CEP85L: variants seen among roughly 807,000 people sequenced by gnomAD.
The protein encoded by CEP85L is centrosomal protein 85L, also known as centrosomal protein of 85 kDa-like.
Under a neutral mutation model 100.3 loss-of-function variants are expected in CEP85L, and 60 were observed. The observed-to-expected ratio is 0.60, with a 90% confidence interval of 0.49 to 0.74. The LOEUF (loss-of-function observed/expected upper bound fraction) is 0.74, where lower values mean the gene tolerates loss of function less well. Among genes scored for constraint, CEP85L ranks in the 30% least tolerant of loss-of-function variants. The probability of loss-of-function intolerance (pLI) is 0.00; values close to 1 mark genes in which losing one functional copy is unlikely to be tolerated. For missense variants in CEP85L, 973 were observed against 936.2 expected, an observed-to-expected ratio of 1.04 and a Z score of -0.51; for synonymous variants, 319 against 322.7, an observed-to-expected ratio of 0.99 and a Z score of 0.12.
upstream of CEP85L, chr6:118,652,468 T>G: frequency 7.9e-7 from 1 of 1,271,766 alleles, no homozygotes; most frequent in East Asian, 3.6e-5. Context: ...TAAAAAATTC[T>G]GGGCCAGCAC....
chr6:118,518,019 T>C (rs958245126), intron 4 of CEP85L, among the ~76,000 whole-genome samples: 1 of 152,198 alleles, frequency 6.6e-6, no homozygotes, highest in Non-Finnish European at 1.5e-5. Context: ...TGGTTTTATG[T>C]GATGGATTAC....
intron 3 of CEP85L, among the ~76,000 whole-genome samples, chr6:118,561,568 T>C (rs754767918): frequency 7.2e-5 from 11 of 152,148 alleles, no homozygotes; most frequent in Non-Finnish European, 1.5e-4. Context: ...TGTTCTACTA[T>C]AGAATAAGTT....
upstream of CEP85L, among the ~76,000 whole-genome samples, chr6:118,654,388 A>G (rs1775705046): frequency 6.6e-6 from 1 of 152,248 alleles, no homozygotes; most frequent in Admixed American, 6.5e-5. Context: ...AAAGAACCCA[A>G]CAATATGTAG....
rs1554228039 is a variant in CEP85L, at chr6:118,600,300, G to GTGTGTGTGTGTGTGTGTGTGTGTGT, written c.232+32152_232+32153insACACACACACACACACACACACACA. On this transcript the variant is annotated intron_variant, in intron 2 of 12. Coordinates refer to ENST00000368491, the MANE Select transcript of CEP85L (RefSeq NM_001042475.3). ...CTGCCTGTCCCTGAGCCTTCCTGGG[G>GTGTGTGTGTGTGTGTGTGTGTGTGT]GTGTGTGTGTGTGTGTGTGTGTGTG... Among the ~76,000 whole-genome samples the GTGTGTGTGTGTGTGTGTGTGTGTGT allele has an allele frequency of 4.0e-4, 21 of 52,244 alleles. 6 individuals are homozygous for GTGTGTGTGTGTGTGTGTGTGTGTGT. The highest frequency in any genetic ancestry group is 8.3e-4 in the Admixed American group (4 of 4,838). The allele number at this position is 52,244 out of a possible 152,430, so 34.3% of individuals were successfully genotyped here. A position where few individuals can be genotyped will look rare whatever the true frequency, so the allele number is the denominator to read the frequency against.
At chr6:118,495,571 C>T (rs1030988021) in intron 5 of CEP85L, among the ~76,000 whole-genome samples, 1 of 152,108 alleles carries the variant, frequency 6.6e-6, no homozygotes, top group South Asian at 2.1e-4. Flanking sequence ...TCCCCAGTCA[C>T]GCGGAACTGT....
At chr6:118,666,377 A>G (rs1776134030) in intron 1 of CEP85L, among the ~76,000 whole-genome samples, 1 of 152,220 alleles carries the variant, frequency 6.6e-6, no homozygotes, top group Admixed American at 6.5e-5. Context: ...GTGAAATTAA[A>G]TGACTGCCCC....
At chr6:118,483,228 GT>G (rs1773919853) in intron 7 of CEP85L, among the ~76,000 whole-genome samples, 1 of 151,508 alleles carries the variant, frequency 6.6e-6, no homozygotes, top group Non-Finnish European at 1.5e-5. Context: ...CTGAGGTATT[GT>G]TAAGGAAAAA....
chr6:118,493,419 A>T (rs114437645), intron 5 of CEP85L, among the ~76,000 whole-genome samples: 235 of 152,284 alleles, frequency 1.5e-3, no homozygotes, highest in African/African-American at 5.3e-3. Flanking sequence ...AAGTCTGATG[A>T]AAGGGAAGAG....
intron 4 of CEP85L, among the ~76,000 whole-genome samples, chr6:118,517,844 C>A (rs1776372657): frequency 6.6e-6 from 1 of 152,164 alleles, no homozygotes; most frequent in Admixed American, 6.5e-5. Flanking sequence ...CCAGATTTTG[C>A]CCATTCATTA....
At chr6:118,591,381 G>A (rs72954883) in intron 2 of CEP85L, among the ~76,000 whole-genome samples, 5 of 152,028 alleles carry the variant, frequency 3.3e-5, no homozygotes, top group Non-Finnish European at 5.9e-5. Flanking sequence ...AAAACTGAAC[G>A]TACCTCTGAT....
chr6:118,501,732 TG>T, intron 5 of CEP85L: 1 of 782,366 alleles, frequency 1.3e-6, no homozygotes, highest in Non-Finnish European at 2.2e-6. Flanking sequence ...ACAGACTTCA[TG>T]GCTAACTTGA....
intron 2 of CEP85L, among the ~76,000 whole-genome samples, chr6:118,577,153 G>A (rs986953868): frequency 6.6e-6 from 1 of 152,058 alleles, no homozygotes; most frequent in Non-Finnish European, 1.5e-5. Context: ...TGTCTCTCAC[G>A]GCAAGGGGAA....
intron 2 of CEP85L, among the ~76,000 whole-genome samples, chr6:118,583,376 T>C (rs1220721707): frequency 6.6e-6 from 1 of 152,142 alleles, no homozygotes; most frequent in African/African-American, 2.4e-5. Flanking sequence ...AAGGGGTGTA[T>C]CACGAAAAAC....
At chr6:118,551,369 G>A (rs1189270263) in intron 3 of CEP85L, among the ~76,000 whole-genome samples, 1 of 142,062 alleles carries the variant, frequency 7.0e-6, no homozygotes, top group Non-Finnish European at 1.6e-5. Flanking sequence ...CATTAATAGG[G>A]GGTATATTTA....
chr6:118,565,712 C>G lies in CEP85L; in HGVS notation c.837G>C (p.Met279Ile). ...SEAFEPPKYL[M>I]LGQQAVGGVP... is the part of the protein sequence containing the mutation. Reference sequence around the variant, plus strand: ...CTCCACCTACTGCCTGTTGACCAAGCATTAAATATTTTGGAGGTTCAAAAG... The same window carrying G: ...CTCCACCTACTGCCTGTTGACCAAGGATTAAATATTTTGGAGGTTCAAAAG... The change falls in exon 3 of 13, where the codon ATG becomes ATC. Residue 279 changes from methionine (M) to isoleucine (I), a missense_variant. By Grantham distance (10) the Met-to-Ile change is conservative. Coordinates refer to ENST00000368491, the MANE Select transcript of CEP85L (RefSeq NM_001042475.3). 3 of 1,614,198 alleles carry G rather than the reference C, an allele frequency of 1.9e-6. No homozygotes were observed. The East Asian group carries it at 6.7e-5, about 36-fold the overall frequency.
chr6:118,465,664 C>T, intron 12 of CEP85L, 96 bp from the exon 13 acceptor site: 2 of 1,094,642 alleles, frequency 1.8e-6, no homozygotes, highest in South Asian at 3.0e-5. Context: ...TACAGTGCTA[C>T]ACACTGAATA....
At chr6:118,691,968 C>T (rs562761922) in intron 1 of CEP85L, among the ~76,000 whole-genome samples, 10 of 152,196 alleles carry the variant, frequency 6.6e-5, no homozygotes, top group African/African-American at 2.4e-4. Context: ...TTGGGTTCGG[C>T]TATGTCCCTA....
At chr6:118,593,212 T>C (rs1781284720) in intron 2 of CEP85L, among the ~76,000 whole-genome samples, 1 of 152,160 alleles carries the variant, frequency 6.6e-6, no homozygotes, top group African/African-American at 2.4e-5. Context: ...ATATAATTTC[T>C]TTTTGGTGTA....
intron 2 of CEP85L, among the ~76,000 whole-genome samples, chr6:118,629,452 T>A (rs1774001664): frequency 6.6e-6 from 1 of 152,214 alleles, no homozygotes. Context: ...TCATACATCA[T>A]CAGGAAAATG....
Sources: allele counts gnomAD v4.1 joint callset (sites outside exome capture counted in the v4.1 genomes callset), GRCh38; gene constraint gnomAD v4.1.1; transcripts MANE v1.5; gene names NCBI Gene and HGNC (gene_info 2026-07-23, HGNC 2026-07-21).